The following KLHL1 variants were observed in gnomAD, a reference collection of about 807,000 sequenced individuals.
KLHL1 encodes the protein kelch like family member 1.
A neutral mutation model predicts 77.7 loss-of-function variants in KLHL1; 47 were observed. The ratio of observed to expected loss-of-function variants is 0.60; its 90% CI spans 0.48 to 0.77. The LOEUF (loss-of-function observed/expected upper bound fraction) is 0.77. Among genes scored for constraint, KLHL1 ranks in the 30% least tolerant of loss-of-function variants. KLHL1 has a pLI of 0.00. For missense variants in KLHL1, 925 were observed against 910.8 expected (o/e 1.02, Z -0.20); for synonymous variants, 360 against 325.2 (o/e 1.11, Z -1.15).
chr13:69,757,721 G>T (rs1024388699), intron 7 of KLHL1, among the ~76,000 whole-genome samples: 7 of 152,094 alleles, frequency 4.6e-5, no homozygotes, highest in African/African-American at 1.7e-4. Context: ...GGAGGCCGAG[G>T]CCAGAGGATC....
chr13:69,903,922 G>A (rs1881960182), intron 4 of KLHL1, among the ~76,000 whole-genome samples: 1 of 151,546 alleles, frequency 6.6e-6, no homozygotes, highest in Non-Finnish European at 1.5e-5. Context: ...TTACAGGCGT[G>A]AGCCACCGCG....
At chr13:69,738,234 T>C (rs563521242) in intron 8 of KLHL1, among the ~76,000 whole-genome samples, 2 of 151,906 alleles carry the variant, frequency 1.3e-5, no homozygotes, top group South Asian at 2.1e-4. Flanking sequence ...AAAAACCCCA[T>C]CCAACAGTCA....
chr13:69,701,888 T>C (rs566366228), intron 10 of KLHL1, 127 bp from the exon 11 acceptor site: 9 of 618,948 alleles, frequency 1.5e-5, no homozygotes, highest in African/African-American at 1.3e-4. Flanking sequence ...TAGCCAGAAG[T>C]AGTACAGTAA....
At chr13:70,048,728 A>G (rs1156337269) in intron 1 of KLHL1, among the ~76,000 whole-genome samples, 1 of 152,214 alleles carries the variant, frequency 6.6e-6, no homozygotes, top group Non-Finnish European at 1.5e-5. Flanking sequence ...GAGTTCAGGC[A>G]GTGATGCCAG....
At chr13:70,064,071 G>C (rs1215583272) in intron 1 of KLHL1, among the ~76,000 whole-genome samples, 1 of 151,986 alleles carries the variant, frequency 6.6e-6, no homozygotes, top group Non-Finnish European at 1.5e-5. Context: ...TTTAGTTAGA[G>C]GACGGATTAA....
In KLHL1 at chr13:70,098,956, A is replaced by G. The variant is rs299534; in HGVS notation, c.497+8247T>C. On this transcript the variant is annotated intron_variant, in intron 1 of 10. Coordinates refer to ENST00000377844, the MANE Select transcript of KLHL1 (RefSeq NM_020866.3). ...AATTTTGAGATGGATTACATGCTTT[A>G]TACTTAGTCAATATTTAATAAATTT... Among the ~76,000 whole-genome samples, 765 of 151,958 alleles carry G rather than the reference A, an allele frequency of 5.0e-3. 8 individuals carry two copies. The highest frequency in any genetic ancestry group is 0.017 in the African/African-American group (710 of 41,532).
At chr13:69,818,217 A>ATTTTTTTTTTTTTTTTTTTTT (rs1878195724) in intron 6 of KLHL1, among the ~76,000 whole-genome samples, 4 of 124,426 alleles carry the variant, frequency 3.2e-5, no homozygotes, top group African/African-American at 1.5e-4. Flanking sequence ...ACTCATAGGC[A>ATTTTTTTTTTTTTTTTTTTTT]TCTTTTTTTT....
At chr13:70,028,145 A>G (rs1886003237) in intron 1 of KLHL1, among the ~76,000 whole-genome samples, 2 of 152,202 alleles carry the variant, frequency 1.3e-5, no homozygotes, top group Admixed American at 6.5e-5. Context: ...ATTTGGAGAA[A>G]TAAGAAATAA....
intron 6 of KLHL1, among the ~76,000 whole-genome samples, chr13:69,804,308 G>T (rs2875573): frequency 2.8e-5 from 4 of 143,054 alleles, no homozygotes; most frequent in Admixed American, 7.0e-5. Flanking sequence ...ATTTTTTTGT[G>T]GGGGGGGGAA....
chr13:69,776,424 CTAAT>C (rs1249595261), intron 7 of KLHL1, among the ~76,000 whole-genome samples: 3 of 152,178 alleles, frequency 2.0e-5, no homozygotes, highest in East Asian at 1.9e-4. Context: ...CTTCAACAAA[CTAAT>C]TAATCTTTCT....
intron 8 of KLHL1, among the ~76,000 whole-genome samples, chr13:69,738,943 A>G (rs927726169): frequency 3.5e-4 from 54 of 152,178 alleles, no homozygotes; most frequent in African/African-American, 1.3e-3. Flanking sequence ...CCCTAGACAC[A>G]TAATCATCAG....
chr13:69,983,589 A>AAAAAAG lies in KLHL1; in HGVS notation c.498-7788_498-7787insCTTTTT, dbSNP rs1216543322. On this transcript the variant is annotated intron_variant, in intron 1 of 10. Transcript: ENST00000377844. Reference sequence around the variant, plus strand: ...ACCCTATCTTTACAAAAAAAAAAAAAAAGAAGAAGAAGAAGAGAAAAAAAA... The same window carrying AAAAAAG: ...ACCCTATCTTTACAAAAAAAAAAAAAAAAAAGAAGAAGAAGAAGAAGAGAAAAAAAA... Among the ~76,000 whole-genome samples, 111 of 132,212 alleles carry AAAAAAG rather than the reference A, an allele frequency of 8.4e-4. 1 individual carries two copies. The highest frequency in any genetic ancestry group is 4.0e-3 in the African/African-American group (108 of 26,894). 86.7% of individuals were successfully genotyped at this position (132,212 alleles called of 152,430 possible). A position where few individuals can be genotyped will look rare whatever the true frequency, so the allele number is the denominator to read the frequency against.
At chr13:69,803,786 T>C (rs563014136) in intron 6 of KLHL1, among the ~76,000 whole-genome samples, 2 of 152,298 alleles carry the variant, frequency 1.3e-5, no homozygotes, top group East Asian at 3.9e-4. Flanking sequence ...GCAAGTGGTC[T>C]CTAGAAGCTG....
At position 69,831,090 on chromosome 13, in the gene KLHL1, A is replaced by T. The variant is rs548545420; in HGVS notation, c.1414+7886T>A. Reference sequence around the variant, plus strand: ...CCAAACCCAGTAGAAGAAAAAAAAAATAACAAAGATCAGAGCAGAACTAAA... The same window carrying T: ...CCAAACCCAGTAGAAGAAAAAAAAATTAACAAAGATCAGAGCAGAACTAAA... On this transcript the variant is annotated intron_variant, in intron 6 of 10. Coordinates refer to ENST00000377844, the MANE Select transcript of KLHL1 (RefSeq NM_020866.3). Among the ~76,000 whole-genome samples the T allele has an allele frequency of 6.8e-4, 102 of 149,794 alleles. 6 individuals carry two copies. In the South Asian group the frequency reaches 8.3e-3, roughly 12 times the overall value.
intron 4 of KLHL1, among the ~76,000 whole-genome samples, chr13:69,931,645 C>T (rs528119985): frequency 6.6e-6 from 1 of 151,746 alleles, no homozygotes; most frequent in East Asian, 1.9e-4. Context: ...TGTTGGCTCA[C>T]TAGGTTTTAT....
chr13:70,073,128 C>T (rs1377405165), intron 1 of KLHL1, among the ~76,000 whole-genome samples: 3 of 152,130 alleles, frequency 2.0e-5, no homozygotes, highest in Non-Finnish European at 1.5e-5. Flanking sequence ...TATTGCAGCA[C>T]TATTCACGAT....
Position 69,777,585 on chromosome 13 carries a change from C to T in KLHL1, c.1639+19153G>A, listed in dbSNP as rs555504952. 9.9e-5 allele frequency among the ~76,000 whole-genome samples: 15 copies of T among 152,106 alleles called. No homozygotes were observed. In the South Asian group the frequency reaches 2.1e-3, roughly 21 times the overall value. On this transcript the variant is annotated intron_variant, in intron 7 of 10. Transcript: ENST00000377844. ...ATTTGTGGTTTGCTACCCAAATATGCTATCTTCCCTTTCACATTTGTGTTT... is the reference window on the plus strand; with the variant it reads ...ATTTGTGGTTTGCTACCCAAATATGTTATCTTCCCTTTCACATTTGTGTTT...
At chr13:69,821,450 G>T (rs1363237500) in intron 6 of KLHL1, among the ~76,000 whole-genome samples, 1 of 152,040 alleles carries the variant, frequency 6.6e-6, no homozygotes, top group Non-Finnish European at 1.5e-5. Flanking sequence ...AAGTAGCTGG[G>T]ATTACAGGTG....
chr13:70,054,196 G>C (rs1886691799), intron 1 of KLHL1, among the ~76,000 whole-genome samples: 1 of 152,088 alleles, frequency 6.6e-6, no homozygotes. Flanking sequence ...TAGTGATAAT[G>C]CTAAGAGACA....
Sources: gnomAD v4.1 joint callset for allele counts (sites outside exome capture counted in the v4.1 genomes callset) on GRCh38, gnomAD v4.1.1 for gene constraint, MANE v1.5 for transcripts, NCBI Gene and HGNC (gene_info 2026-07-23, HGNC 2026-07-21) for gene names.